CHORDC1: variants seen among roughly 807,000 people sequenced by gnomAD.
CHORDC1 encodes the protein cysteine and histidine rich domain containing 1.
Under a neutral mutation model 48.3 loss-of-function variants are expected in CHORDC1, and 25 were observed. The observed-to-expected ratio is 0.52, with a 90% CI of 0.38 to 0.72. The LOEUF is 0.72. CHORDC1 is among the 30% of genes least tolerant of loss of function. The pLI is 0.00. For missense variants in CHORDC1, 317 were observed against 388.7 expected (o/e 0.82, Z 1.55); for synonymous variants, 128 against 126.4 (o/e 1.01, Z -0.09).
At position 90,205,460 on chromosome 11, in the gene CHORDC1, A is replaced by G. The variant is rs1391816820; in HGVS notation, c.669T>C (p.Ala223=). The change falls in exon 8 of 11, where the codon GCT becomes GCC. Residue 223 remains alanine (A), a splice_region_variant and synonymous_variant. Transcript: ENST00000320585. ...KGKHMWTKKD[A]GKKVVPCRHD... ...TGCTATTTTTGGAAGAGTTACTTAC[A>G]GCATCTTTTTTAGTCCACATGTGTT... is the stretch of plus-strand genomic sequence containing the variant. The G allele has an allele frequency of 1.3e-6, 2 of 1,557,432 alleles. No homozygotes were observed. The highest frequency in any genetic ancestry group is 2.7e-5 in the African/African-American group (2 of 73,422).
chr11:90,222,880 G>A lies in CHORDC1; in HGVS notation c.64+11C>T. On this transcript the variant is annotated intron_variant, in intron 1 of 10. Transcript: ENST00000320585. ...GGAGGGGAGGGAGGGCTGGCGGCGC[G>A]TTCCTCTTACCGTCGGAATTGGTCT... The A allele has an allele frequency of 6.2e-7, 1 of 1,613,076 alleles. No homozygotes were observed. The highest frequency in any genetic ancestry group is 8.5e-7 in the Non-Finnish European group (1 of 1,179,220).
intron 1 of CHORDC1, among the ~76,000 whole-genome samples, chr11:90,221,386 G>T (rs2135061140): frequency 6.6e-6 from 1 of 152,186 alleles, no homozygotes; most frequent in Non-Finnish European, 1.5e-5. Flanking sequence ...ATACTTATTG[G>T]AATTTCTCTG....
chr11:90,218,990 G>T (rs1858091595), intron 1 of CHORDC1, among the ~76,000 whole-genome samples: 1 of 151,832 alleles, frequency 6.6e-6, no homozygotes, highest in African/African-American at 2.4e-5. Context: ...GTCTAGGTGG[G>T]CCTGGTGGCT....
Position 90,210,576 on chromosome 11 carries a change from A to C in CHORDC1, c.452T>G (p.Ile151Ser). The change falls in exon 6 of 11, where the codon ATT (isoleucine) becomes AGT (serine). Residue 151 changes from isoleucine (I) to serine (S), a missense_variant. By Grantham distance (142) the Ile-to-Ser change is moderately radical. Coordinates refer to ENST00000320585, the MANE Select transcript of CHORDC1 (RefSeq NM_012124.3). ...ENKKEEDNDE[I>S]KIGTSCKNGG... ...ATTCTTACATGAGGTCCCAATCTTA[A>C]TTTCATCATTGTCTTCTTCTGTAAC... 1 of 1,588,280 alleles carries C rather than the reference A, an allele frequency of 6.3e-7. No individual in the cohort carries two copies. Among genetic ancestry groups the C allele is most frequent in the Non-Finnish European group, 8.6e-7 (1 of 1,159,210 alleles).
intron 7 of CHORDC1, chr11:90,205,822 C>G (rs908018886): frequency 4.3e-6 from 2 of 462,786 alleles, no homozygotes; most frequent in East Asian, 8.2e-5. Flanking sequence ...CTGCAGGATG[C>G]GGAAAAGTAT....
At chr11:90,221,882 T>A (rs78853279) in intron 1 of CHORDC1, among the ~76,000 whole-genome samples, 1 of 152,208 alleles carries the variant, frequency 6.6e-6, no homozygotes, top group South Asian at 2.1e-4. Flanking sequence ...TCAGTTTTCA[T>A]CTCCTCCACA....
chr11:90,209,162 T>C (rs1857787795), intron 6 of CHORDC1: 1 of 152,186 alleles, frequency 6.6e-6, no homozygotes, highest in Non-Finnish European at 1.5e-5. Context: ...CTACCTCATA[T>C]ACATGTAAAT....
chr11:90,215,741 G>A (rs920009879), intron 2 of CHORDC1, among the ~76,000 whole-genome samples: 2 of 151,998 alleles, frequency 1.3e-5, no homozygotes, highest in East Asian at 1.9e-4. Context: ...TCTTTTCAGT[G>A]AGAAGCATAA....
At chr11:90,206,328 A>G (rs1857685743) in intron 6 of CHORDC1, 56 bp from the exon 7 acceptor site, 2 of 958,146 alleles carry the variant, frequency 2.1e-6, no homozygotes, top group Non-Finnish European at 3.4e-6. Context: ...GTTACATCTC[A>G]TACATATTTG....
At chr11:90,215,252 A>G in intron 2 of CHORDC1, 22 bp from the exon 3 acceptor site, 1 of 1,499,368 alleles carries the variant, frequency 6.7e-7, no homozygotes, top group Non-Finnish European at 9.0e-7. Flanking sequence ...AAGAGAAGGA[A>G]ACTAAAAACT....
intron 1 of CHORDC1, among the ~76,000 whole-genome samples, chr11:90,218,530 G>A (rs192740629): frequency 7.7e-4 from 117 of 152,216 alleles, no homozygotes; most frequent in African/African-American, 2.5e-3. Context: ...TTTTACAAAT[G>A]TACTATCAAA....
rs537643989 is a variant in CHORDC1, at chr11:90,201,639, A to C, written c.*766T>G. 1 of 152,560 alleles carries C rather than the reference A, an allele frequency of 6.6e-6. No homozygotes were observed. The highest frequency in any genetic ancestry group is 1.5e-5 in the Non-Finnish European group (1 of 67,872). The allele number at this position is 152,560 out of a possible 1,614,324, so 9.5% of individuals were successfully genotyped here. ...AAGGTTTTAAGAGGGCTTAGTCTCT[A>C]AATCAGTAACAATTAGTCATAACAC... On this transcript the variant is annotated 3_prime_UTR_variant, in exon 11 of 11. Coordinates refer to ENST00000320585, the MANE Select transcript of CHORDC1 (RefSeq NM_012124.3).
At chr11:90,214,959 A>G (rs1006829088) in intron 3 of CHORDC1, among the ~76,000 whole-genome samples, 2 of 152,036 alleles carry the variant, frequency 1.3e-5, no homozygotes, top group Admixed American at 1.3e-4. Context: ...ACCTAAAATG[A>G]TAAGCAGGTA....
chr11:90,201,310 C>A lies in CHORDC1; in HGVS notation c.*1095G>T, dbSNP rs1857538536. 6.6e-6 allele frequency: 1 copy of A among 151,742 alleles called. No individual in the cohort carries two copies. Among genetic ancestry groups the A allele is most frequent in the South Asian group, 2.1e-4 (1 of 4,822 alleles). The allele number at this position is 151,742 out of a possible 1,614,324, so 9.4% of individuals were successfully genotyped here. On this transcript the variant is annotated 3_prime_UTR_variant, in exon 11 of 11. Transcript: ENST00000320585. ...TTCAGAATATTTCCTAATTTTTCTT[C>A]TTGAGTTCTGCACTAACTCAAAACC...
rs1857537642 is a variant in CHORDC1, at chr11:90,201,269, T to C, written c.*1136A>G. 1 of 151,970 alleles carries C rather than the reference T, an allele frequency of 6.6e-6. No individual in the cohort carries two copies. Among genetic ancestry groups the C allele is most frequent in the Non-Finnish European group, 1.5e-5 (1 of 67,868 alleles). The allele number at this position is 151,970 out of a possible 1,614,324, so 9.4% of individuals were successfully genotyped here. ...ATTTATTCCCAAACTTTCTAAGTTC[T>C]TCCAGAGTTCTGGCCTTCAGAATAT... On this transcript the variant is annotated 3_prime_UTR_variant, in exon 11 of 11. Coordinates refer to ENST00000320585, the MANE Select transcript of CHORDC1 (RefSeq NM_012124.3).
intron 6 of CHORDC1, among the ~76,000 whole-genome samples, chr11:90,209,934 A>G (rs1392224342): frequency 3.3e-5 from 5 of 152,200 alleles, no homozygotes; most frequent in African/African-American, 1.2e-4. Context: ...ATCATGGCTT[A>G]AAAGAACCAC....
At chr11:90,221,403 C>T (rs1858168663) in intron 1 of CHORDC1, among the ~76,000 whole-genome samples, 1 of 152,180 alleles carries the variant, frequency 6.6e-6, no homozygotes, top group African/African-American at 2.4e-5. Flanking sequence ...TCTGCTGTAA[C>T]TAGTACTGCT....
rs535260291 is a variant in CHORDC1 at position 90,216,726 on chromosome 11, G to A, written c.114+1409C>T. Among the ~76,000 whole-genome samples the A allele has an allele frequency of 2.0e-5, 3 of 152,254 alleles. No homozygotes were observed. The East Asian group carries it at 5.8e-4, about 29-fold the overall frequency. On this transcript the variant is annotated intron_variant, in intron 2 of 10. Transcript: ENST00000320585. ...CAGAAAGTCAGTAGTATCATTACTA[G>A]GAGCAGTAAAGTTGAGAGGCAGACT...
In CHORDC1 at chr11:90,220,114, C is replaced by A. The variant is rs188646255; in HGVS notation, c.65-1930G>T. ...CATATGTGACCCAATTATTCTTCTT[C>A]CAATGTGGCCCAGATAATTCCTCTT... On this transcript the variant is annotated intron_variant, in intron 1 of 10. Transcript: ENST00000320585. Among the ~76,000 whole-genome samples, 11 of 152,296 alleles carry A rather than the reference C, an allele frequency of 7.2e-5. No homozygotes were observed. In the East Asian group the frequency reaches 2.1e-3, roughly 29 times the overall value.
Sources: allele counts gnomAD v4.1 joint callset (sites outside exome capture counted in the v4.1 genomes callset), GRCh38; gene constraint gnomAD v4.1.1; transcripts MANE v1.5; gene names NCBI Gene and HGNC (gene_info 2026-07-23, HGNC 2026-07-21).